The following USP33 variants were observed in gnomAD, a reference collection of about 807,000 sequenced individuals.
USP33 encodes ubiquitin carboxyl-terminal hydrolase 33.
Under a neutral mutation model 124.2 loss-of-function variants are expected in USP33, and 46 were observed. The observed-to-expected ratio is 0.37, with a 90% CI of 0.29 to 0.47. The LOEUF is 0.47. Among genes scored for constraint, USP33 ranks in the 20% least tolerant of loss-of-function variants. The pLI is 0.99. For missense variants in USP33, 851 were observed against 1,070.6 expected (o/e 0.79, Z 2.86); for synonymous variants, 350 against 352.3 (o/e 0.99, Z 0.07).
At chr1:77,724,355 C>T (rs890614445) in intron 11 of USP33, among the ~76,000 whole-genome samples, 1 of 152,256 alleles carries the variant, frequency 6.6e-6, no homozygotes, top group Non-Finnish European at 1.5e-5. Flanking sequence ...CCAACCTTAT[C>T]TTTCCATTCT....
At chr1:77,724,578 T>C (rs1000356555) in intron 11 of USP33, among the ~76,000 whole-genome samples, 8 of 152,140 alleles carry the variant, frequency 5.3e-5, no homozygotes, top group African/African-American at 1.9e-4. Context: ...TTAATACAAC[T>C]ATAAGCATTA....
At chr1:77,742,484 G>C (rs1188479059) in intron 1 of USP33, among the ~76,000 whole-genome samples, 1 of 152,112 alleles carries the variant, frequency 6.6e-6, no homozygotes, top group African/African-American at 2.4e-5. Flanking sequence ...CTCCAGGTTT[G>C]AGAACCCCAT....
At chr1:77,699,175 A>G (rs1469096484) in intron 22 of USP33, among the ~76,000 whole-genome samples, 1 of 152,228 alleles carries the variant, frequency 6.6e-6, no homozygotes, top group Non-Finnish European at 1.5e-5. Flanking sequence ...AACACAAATC[A>G]AAACCACAAT....
At chr1:77,733,598 C>G (rs1678096213) in intron 7 of USP33, among the ~76,000 whole-genome samples, 1 of 152,078 alleles carries the variant, frequency 6.6e-6, no homozygotes, top group Admixed American at 6.5e-5. Context: ...ATACAAAATT[C>G]AAAATGCTCC....
At chr1:77,726,933 G>T (rs1677232723) in intron 10 of USP33, among the ~76,000 whole-genome samples, 1 of 152,136 alleles carries the variant, frequency 6.6e-6, no homozygotes, top group Admixed American at 6.6e-5. Flanking sequence ...GCAAGGGAAT[G>T]TGCTCAGTAA....
chr1:77,717,820 TA>T, intron 17 of USP33, 46 bp downstream of exon 17: 1 of 1,478,688 alleles, frequency 6.8e-7, no homozygotes, highest in South Asian at 1.5e-5. Flanking sequence ...AGGCTTATTT[TA>T]ATTTTTTTTT....
At chr1:77,753,367 C>T (rs191373684) in intron 1 of USP33, among the ~76,000 whole-genome samples, 3 of 152,030 alleles carry the variant, frequency 2.0e-5, no homozygotes, top group Admixed American at 2.0e-4. Flanking sequence ...GCATGAGGAT[C>T]GCTTGAGGCC....
chr1:77,743,603 T>C (rs567208048), intron 1 of USP33, among the ~76,000 whole-genome samples: 7 of 152,200 alleles, frequency 4.6e-5, no homozygotes, highest in Admixed American at 2.6e-4. Flanking sequence ...GCCTCCCATG[T>C]AGCTACAACT....
At chr1:77,699,012 C>A (rs1673722823) in intron 22 of USP33, among the ~76,000 whole-genome samples, 3 of 151,912 alleles carry the variant, frequency 2.0e-5, no homozygotes, top group African/African-American at 7.3e-5. Context: ...ACCGCATGGT[C>A]ATCATCAAAA....
At chr1:77,701,247 C>A in intron 22 of USP33, 122 bp downstream of exon 22, 2 of 642,452 alleles carry the variant, frequency 3.1e-6, no homozygotes, top group Non-Finnish European at 5.3e-6. Context: ...TCCCTGAGGA[C>A]AGGATCTTTT....
chr1:77,701,410 C>A lies in USP33; in HGVS notation c.2468G>T (p.Trp823Leu). 6.2e-7 allele frequency: 1 copy of A among 1,613,290 alleles called. No individual in the cohort carries two copies. The change falls in exon 22 of 24, where the codon TGG becomes TTG. Residue 823 changes from tryptophan to leucine, a missense_variant. Coordinates refer to ENST00000370794, the MANE Select transcript of USP33 (RefSeq NM_201624.3). ...CACAAAACTTTCCCATTCTCTAAACCACTGCATACTGATGCAATAAAAAGT... is the reference window on the plus strand; with the variant it reads ...CACAAAACTTTCCCATTCTCTAAACAACTGCATACTGATGCAATAAAAAGT... ...PATFYCISMQ[W>L]FREWESFVKG...
rs1174079474 is a variant in USP33 at position 77,740,904 on chromosome 1, T to A, written c.171A>T (p.Gln57His). 29 of 1,569,236 alleles carry A rather than the reference T, an allele frequency of 1.8e-5. No homozygotes were observed. Among genetic ancestry groups the A allele is most frequent in the Non-Finnish European group, 2.3e-5 (26 of 1,154,354 alleles). The stretch of plus-strand genomic sequence containing the variant: ...GAGAATGTATGGTGCTGTGATCTAC[T>A]TGTGATTCACCACAGCCAACATATG... Reference protein sequence around the residue: ...RCSYVGCGESQVDHSTIHSQE... With the variant: ...RCSYVGCGESHVDHSTIHSQE... The change falls in exon 4 of 24, where the codon CAA becomes CAT. Residue 57 changes from glutamine (Q) to histidine (H), a missense_variant. Transcript: ENST00000370794.
chr1:77,750,404 G>A (rs1297919957), intron 1 of USP33, among the ~76,000 whole-genome samples: 6 of 151,610 alleles, frequency 4.0e-5, no homozygotes, highest in African/African-American at 7.3e-5. Flanking sequence ...AGGCCAAGGC[G>A]GGAAGATCAT....
rs2101467671 is a variant in USP33, at chr1:77,729,876, C to T, written c.701G>A (p.Arg234Gln). 6.2e-7 allele frequency: 1 copy of T among 1,613,678 alleles called. No homozygotes were observed. The highest frequency in any genetic ancestry group is 8.5e-7 in the Non-Finnish European group (1 of 1,179,840). The change falls in exon 9 of 24, where the codon CGG becomes CAG. Residue 234 changes from arginine (R) to glutamine (Q), a missense_variant. By Grantham distance (43) the Arg-to-Gln change is conservative (BLOSUM62 1). This residue lies in a region of USP33 where 221 missense variants were observed against 302.9 expected (regional missense o/e 0.73). Transcript: ENST00000370794. ...QGIKTVNPTF[R>Q]GYSQQDAQEF... ...TAAACTAACCTGCTGAGAATACCCC[C>T]GAAATGTTGGATTTACAGTTTTAAT...
At chr1:77,742,265 A>G (rs1679208619) in intron 1 of USP33, among the ~76,000 whole-genome samples, 1 of 152,054 alleles carries the variant, frequency 6.6e-6, no homozygotes, top group African/African-American at 2.4e-5. Context: ...TAAGCACTTT[A>G]TATCAGGGTT....
At chr1:77,715,708 G>A (rs777824270) in intron 18 of USP33, 34 bp downstream of exon 18, 2 of 1,602,876 alleles carry the variant, frequency 1.2e-6, no homozygotes, top group African/African-American at 1.3e-5. Flanking sequence ...AAATGTGAGA[G>A]ATGTCCTTTC....
chr1:77,713,160 G>A (rs369199174), intron 20 of USP33, 40 bp downstream of exon 20: 23 of 1,542,878 alleles, frequency 1.5e-5, no homozygotes, highest in South Asian at 7.0e-5. Context: ...CAGTTTAACC[G>A]ACTTTCACAA....
At chr1:77,752,946 G>C (rs1329319443) in intron 1 of USP33, among the ~76,000 whole-genome samples, 2 of 152,010 alleles carry the variant, frequency 1.3e-5, no homozygotes, top group African/African-American at 2.4e-5. Context: ...GGGCGTGGTG[G>C]TGTGCGTCTG....
chr1:77,737,514 C>A (rs1350289921), intron 5 of USP33, among the ~76,000 whole-genome samples: 1 of 152,152 alleles, frequency 6.6e-6, no homozygotes, highest in African/African-American at 2.4e-5. Flanking sequence ...TACTATTTTG[C>A]AAATATCCTG....
Sources: allele counts gnomAD v4.1 joint callset (sites outside exome capture counted in the v4.1 genomes callset), GRCh38; gene constraint gnomAD v4.1.1; regional missense constraint gnomAD v4.1.1; transcripts MANE v1.5; gene names NCBI Gene and HGNC (gene_info 2026-07-23, HGNC 2026-07-21).